Variants in PPFIBP1 observed in about 807,000 individuals in gnomAD.
The protein encoded by PPFIBP1 is PPFIB scaffold protein 1.
A neutral mutation model predicts 137.8 loss-of-function variants in PPFIBP1; 112 were observed. That is an observed-to-expected ratio of 0.81 (90% CI 0.70 to 0.95). The LOEUF is 0.95. Ranked by LOEUF, PPFIBP1 falls within the 40% of genes least tolerant of loss-of-function variation. The pLI, the probability that PPFIBP1 is intolerant of heterozygous loss-of-function variation, is 0.00. For synonymous variants in PPFIBP1, 378 were observed against 417.3 expected (o/e 0.91, Z 1.15); for missense variants, 1,083 against 1,196.6 (o/e 0.91, Z 1.40).
At chr12:27,674,346 C>T in intron 17 of PPFIBP1, 125 bp downstream of exon 17, 3 of 606,744 alleles carry the variant, frequency 4.9e-6, no homozygotes, top group Non-Finnish European at 8.6e-6. Flanking sequence ...TGAAGCCAGA[C>T]ACAAAGTTCA....
intron 1 of PPFIBP1, among the ~76,000 whole-genome samples, chr12:27,528,910 A>C (rs892367350): frequency 9.2e-5 from 14 of 152,170 alleles, no homozygotes; most frequent in Non-Finnish European, 2.1e-4. Context: ...ACAGTTTGTG[A>C]GTGCTCTTTG....
intron 7 of PPFIBP1, 23 bp downstream of exon 7, chr12:27,650,164 CCTCTCT>C: frequency 1.3e-6 from 2 of 1,519,246 alleles, no homozygotes; most frequent in Non-Finnish European, 1.8e-6. Flanking sequence ...GTCTCTCCTC[CCTCTCT>C]CTCTCTCTCT....
intron 27 of PPFIBP1, among the ~76,000 whole-genome samples, chr12:27,690,842 A>T (rs1232043201): frequency 6.6e-6 from 1 of 152,054 alleles, no homozygotes; most frequent in Non-Finnish European, 1.5e-5. Context: ...GCCAGAAGAG[A>T]ATGGGTATTT....
intron 19 of PPFIBP1, chr12:27,677,394 A>G (rs1458727906): frequency 4.4e-6 from 2 of 455,404 alleles, no homozygotes; most frequent in Admixed American, 3.3e-5. Context: ...GGCATTGTAC[A>G]TTGCAGCTCT....
intron 2 of PPFIBP1, among the ~76,000 whole-genome samples, chr12:27,591,107 T>C (rs1457088641): frequency 6.6e-6 from 1 of 152,032 alleles, no homozygotes; most frequent in East Asian, 1.9e-4. Flanking sequence ...TTTTTTTTTT[T>C]GACAAGCTAG....
At chr12:27,667,065 A>G in intron 12 of PPFIBP1, 101 bp from the exon 13 acceptor site, 1 of 1,255,934 alleles carries the variant, frequency 8.0e-7, no homozygotes, top group African/African-American at 1.5e-5. Flanking sequence ...AGGATCAGAA[A>G]AAATTTTATA....
intron 2 of PPFIBP1, among the ~76,000 whole-genome samples, chr12:27,602,005 A>G (rs1341972320): frequency 6.6e-6 from 1 of 152,226 alleles, no homozygotes. Flanking sequence ...ACTAGTGGCT[A>G]CCTTATTAGT....
intron 13 of PPFIBP1, among the ~76,000 whole-genome samples, chr12:27,670,950 C>T (rs892114416): frequency 1.5e-4 from 23 of 151,792 alleles, no homozygotes; most frequent in African/African-American, 4.4e-4. Context: ...CTAAGATCAC[C>T]GATCACTTAG....
At chr12:27,633,000 G>A (rs184042329) in intron 2 of PPFIBP1, among the ~76,000 whole-genome samples, 20 of 152,226 alleles carry the variant, frequency 1.3e-4, no homozygotes, top group African/African-American at 4.3e-4. Flanking sequence ...GATTGGGTGG[G>A]GCTGGTAAAG....
At chr12:27,662,462 A>G (rs2059612007) in intron 11 of PPFIBP1, among the ~76,000 whole-genome samples, 2 of 152,228 alleles carry the variant, frequency 1.3e-5, no homozygotes, top group African/African-American at 4.8e-5. Flanking sequence ...ACAGACAAAC[A>G]GTTAAGAGTC....
chr12:27,687,388 G>T lies in PPFIBP1; in HGVS notation c.2251G>T (p.Asp751Tyr). The change falls in exon 25 of 30, where the codon GAC (aspartate) becomes TAC (tyrosine). Residue 751 changes from aspartate (D) to tyrosine (Y), a missense_variant. Coordinates refer to ENST00000228425, the MANE Select transcript of PPFIBP1 (RefSeq NM_003622.4). The part of the protein sequence containing the change: ...GRMLHYMTVD[D>Y]LLSLKVVSVL... ...CTCCTTTTGTTCTTTTTTGCAGGAT[G>T]ACTTACTGTCTCTGAAGGTTGTAAG... The T allele has an allele frequency of 1.9e-6, 3 of 1,613,074 alleles. No homozygotes were observed. In the South Asian group the frequency reaches 3.3e-5, roughly 18 times the overall value.
intron 3 of PPFIBP1, 21 bp downstream of exon 3, chr12:27,633,481 G>C (rs967839637): frequency 6.2e-7 from 1 of 1,602,922 alleles, no homozygotes; most frequent in Non-Finnish European, 8.5e-7. Context: ...TCCTGTGAAA[G>C]ACAGAATCAC....
chr12:27,529,062 T>C (rs910668608), intron 1 of PPFIBP1, among the ~76,000 whole-genome samples: 2 of 152,196 alleles, frequency 1.3e-5, no homozygotes, highest in African/African-American at 4.8e-5. Flanking sequence ...CCTAACAATG[T>C]CCATGCCTGA....
At chr12:27,572,208 A>C (rs1213489666) in intron 1 of PPFIBP1, among the ~76,000 whole-genome samples, 3 of 152,232 alleles carry the variant, frequency 2.0e-5, no homozygotes, top group African/African-American at 7.2e-5. Flanking sequence ...TTATTCTCAT[A>C]TAAAATAAAG....
intron 1 of PPFIBP1, chr12:27,549,045 G>A (rs1946502828): frequency 6.6e-6 from 1 of 152,206 alleles, no homozygotes; most frequent in African/African-American, 2.4e-5. Context: ...TGATGATTTG[G>A]TCATTGGATG....
intron 2 of PPFIBP1, among the ~76,000 whole-genome samples, chr12:27,606,610 C>T (rs559312009): frequency 1.3e-4 from 20 of 152,170 alleles, no homozygotes; most frequent in African/African-American, 4.8e-4. Context: ...GTTTTGAAGC[C>T]CAGATGTCTG....
chr12:27,664,221 T>G, intron 11 of PPFIBP1, 141 bp from the exon 12 acceptor site: 1 of 615,926 alleles, frequency 1.6e-6, no homozygotes, highest in Non-Finnish European at 2.9e-6. Flanking sequence ...TCACATCTGC[T>G]TATTCTTTTT....
At chr12:27,676,628 A>C (rs184430169) in intron 18 of PPFIBP1, 29 bp downstream of exon 18, 2 of 1,503,996 alleles carry the variant, frequency 1.3e-6, no homozygotes, top group Admixed American at 4.2e-5. Context: ...CCTTTGCCCT[A>C]ATTCTTCCAC....
intron 1 of PPFIBP1, among the ~76,000 whole-genome samples, chr12:27,555,169 G>A (rs928173609): frequency 2.6e-5 from 4 of 152,180 alleles, no homozygotes; most frequent in African/African-American, 9.7e-5. Context: ...CAGCCTAGAT[G>A]TTGGCTCAGG....
Sources: allele counts gnomAD v4.1 joint callset (sites outside exome capture counted in the v4.1 genomes callset), GRCh38; gene constraint gnomAD v4.1.1; transcripts MANE v1.5; gene names NCBI Gene and HGNC (gene_info 2026-07-23, HGNC 2026-07-21).